TRHDE: variants seen among roughly 807,000 people sequenced by gnomAD.
The protein encoded by TRHDE is thyrotropin releasing hormone degrading enzyme, also known as thyrotropin-releasing hormone-degrading ectoenzyme.
Under a neutral mutation model 125.7 loss-of-function variants are expected in TRHDE, and 72 were observed. The observed-to-expected ratio is 0.57, with a 90% CI of 0.47 to 0.70. The LOEUF is 0.70. TRHDE is among the 30% of genes least tolerant of loss of function. TRHDE has a pLI of 0.00. For missense variants in TRHDE, 1,110 were observed against 1,327.1 expected (o/e 0.84, Z 2.54); for synonymous variants, 509 against 509.1 (o/e 1.00, Z 0.00).
upstream of TRHDE, among the ~76,000 whole-genome samples, chr12:72,268,416 T>G (rs1056712768): frequency 6.6e-6 from 1 of 152,156 alleles, no homozygotes. Context: ...GCTTCTGTAC[T>G]GTATATTTTT....
chr12:72,154,188 A>C (rs1292937887), intron 2 of TRHDE, among the ~76,000 whole-genome samples: 2 of 151,994 alleles, frequency 1.3e-5, no homozygotes, highest in African/African-American at 2.4e-5. Flanking sequence ...GTTGGTTTAA[A>C]GTCTGTTTTA....
intron 2 of TRHDE, among the ~76,000 whole-genome samples, chr12:72,170,449 G>A (rs1051999762): frequency 6.6e-6 from 1 of 152,160 alleles, no homozygotes; most frequent in African/African-American, 2.4e-5. Context: ...GGGAACAGCT[G>A]ACTATCATTA....
In TRHDE at chr12:72,308,682, T is replaced by A. The variant is rs1174942712; in HGVS notation, c.1188+21728T>A. ...AATTTAATGTTATACACTCATTTTT[T>A]AAAATAGAAGATGATATATAAATGT... On this transcript the variant is annotated intron_variant, in intron 2 of 18. Transcript: ENST00000261180. Among the ~76,000 whole-genome samples the A allele has an allele frequency of 3.9e-5, 6 of 152,328 alleles. No individual in the cohort carries two copies. The East Asian group carries it at 1.2e-3, about 29-fold the overall frequency.
chr12:72,173,030 T>C (rs1201983834), intron 2 of TRHDE, among the ~76,000 whole-genome samples: 3 of 152,230 alleles, frequency 2.0e-5, no homozygotes, highest in African/African-American at 7.2e-5. Flanking sequence ...GTATTGCACT[T>C]AAAATTTTTA....
intron 18 of TRHDE, among the ~76,000 whole-genome samples, chr12:72,657,347 C>T (rs1274386781): frequency 6.6e-6 from 1 of 152,146 alleles, no homozygotes; most frequent in Non-Finnish European, 1.5e-5. Context: ...ACCATCCTGT[C>T]AGTGACTCAG....
intron 6 of TRHDE, among the ~76,000 whole-genome samples, chr12:72,515,033 A>G (rs1008675186): frequency 6.9e-6 from 1 of 144,204 alleles, no homozygotes; most frequent in Non-Finnish European, 1.5e-5. Flanking sequence ...AATCCAGTCT[A>G]TCATTGTTGG....
rs568396391 is a variant in TRHDE at position 72,571,093 on chromosome 12, T to C, written c.2131+2437T>C. On this transcript the variant is annotated intron_variant, in intron 10 of 18. Coordinates refer to ENST00000261180, the MANE Select transcript of TRHDE (RefSeq NM_013381.3). ...CAGTTCCAGTTTAATTGTATTAAAT[T>C]TTTTTTATGAAGTCCTTCGTTCTGA... Among the ~76,000 whole-genome samples the C allele has an allele frequency of 9.2e-5, 8 of 87,338 alleles. No individual in the cohort carries two copies. The South Asian group carries it at 2.2e-3, about 24-fold the overall frequency. The allele number at this position is 87,338 out of a possible 152,430, so 57.3% of individuals were successfully genotyped here.
At chr12:72,294,576 C>T (rs570763278) in intron 2 of TRHDE, among the ~76,000 whole-genome samples, 1 of 152,206 alleles carries the variant, frequency 6.6e-6, no homozygotes, top group African/African-American at 2.4e-5. Flanking sequence ...GCATGGGGCT[C>T]TTATAAGCCT....
chr12:72,409,847 G>A (rs1286851707), intron 3 of TRHDE, among the ~76,000 whole-genome samples: 2 of 152,052 alleles, frequency 1.3e-5, no homozygotes, highest in Admixed American at 6.6e-5. Context: ...TAGAACCATA[G>A]TAACTGGTAA....
At chr12:72,271,097 T>G (rs3809149), upstream of TRHDE, among the ~76,000 whole-genome samples, 50 of 152,362 alleles carry the variant, frequency 3.3e-4, no homozygotes, top group East Asian at 7.9e-3. Flanking sequence ...AATGTTACAC[T>G]GTAGACATTG....
chr12:72,268,688 T>C (rs1879125432), upstream of TRHDE, among the ~76,000 whole-genome samples: 1 of 152,276 alleles, frequency 6.6e-6, no homozygotes, highest in East Asian at 1.9e-4. Context: ...AGTTAAATTG[T>C]AAACAATCAA....
intron 2 of TRHDE, among the ~76,000 whole-genome samples, chr12:72,214,528 T>C (rs1877846162): frequency 1.3e-5 from 2 of 152,196 alleles, no homozygotes; most frequent in Admixed American, 1.3e-4. Flanking sequence ...GCTCACTCAA[T>C]TGCTGAGTAA....
chr12:72,442,734 C>T (rs573132943), intron 3 of TRHDE, among the ~76,000 whole-genome samples: 1 of 151,896 alleles, frequency 6.6e-6, no homozygotes, highest in South Asian at 2.1e-4. Flanking sequence ...TATTTCATGT[C>T]TCAATTGTTT....
chr12:72,625,009 T>C (rs1873202314), intron 15 of TRHDE, among the ~76,000 whole-genome samples: 1 of 151,862 alleles, frequency 6.6e-6, no homozygotes, highest in Admixed American at 6.6e-5. Context: ...AGAAATTGGT[T>C]TCTTTCACTG....
intron 3 of TRHDE, among the ~76,000 whole-genome samples, chr12:72,453,165 G>T (rs1175978777): frequency 4.6e-5 from 7 of 152,168 alleles, no homozygotes; most frequent in East Asian, 3.9e-4. Context: ...GTAAATAATT[G>T]TGACTAAAAT....
At chr12:72,574,804 G>A (rs912947749) in intron 10 of TRHDE, among the ~76,000 whole-genome samples, 1 of 152,024 alleles carries the variant, frequency 6.6e-6, no homozygotes, top group Non-Finnish European at 1.5e-5. Context: ...CAAGAAAAAG[G>A]CAAACAACAG....
chr12:72,102,189 C>T (rs903861537), intron 1 of TRHDE, among the ~76,000 whole-genome samples: 6 of 152,120 alleles, frequency 3.9e-5, no homozygotes, highest in Admixed American at 6.5e-5. Flanking sequence ...ATTCACATCC[C>T]AGTGCTACAC....
chr12:72,415,677 C>T (rs1017961021), intron 3 of TRHDE, among the ~76,000 whole-genome samples: 1 of 151,714 alleles, frequency 6.6e-6, no homozygotes, highest in Non-Finnish European at 1.5e-5. Flanking sequence ...TCACTTAACA[C>T]AATATGCTCC....
chr12:72,603,540 A>G (rs953641209), intron 12 of TRHDE, among the ~76,000 whole-genome samples: 3 of 152,076 alleles, frequency 2.0e-5, no homozygotes, highest in Non-Finnish European at 4.4e-5. Flanking sequence ...CCTGGCTAAC[A>G]TGGTGAAACC....
Sources: gnomAD v4.1 joint callset for allele counts (sites outside exome capture counted in the v4.1 genomes callset) on GRCh38, gnomAD v4.1.1 for gene constraint, MANE v1.5 for transcripts, NCBI Gene and HGNC (gene_info 2026-07-23, HGNC 2026-07-21) for gene names.